Variants in DST observed in about 807,000 individuals in gnomAD.
The protein encoded by DST is bullous pemphigoid antigen.
In DST, 253 loss-of-function variants were observed where a neutral mutation model predicts 875.2. The ratio of observed to expected loss-of-function variants is 0.29; its 90% confidence interval spans 0.26 to 0.32. The LOEUF is 0.32. Among genes scored for constraint, DST ranks in the 10% least tolerant of loss-of-function variants. The pLI, the probability that DST is intolerant of heterozygous loss-of-function variation, is 1.00. For missense variants in DST, 8,287 were observed against 9,111.6 expected (o/e 0.91, Z 3.68); for synonymous variants, 3,124 against 3,197.1 (o/e 0.98, Z 0.77).
Position 56,604,461 on chromosome 6 carries a change from T to G in DST, c.10167A>C (p.Leu3389Phe). 6.2e-7 allele frequency: 1 copy of G among 1,610,384 alleles called. No individual in the cohort carries two copies. Among genetic ancestry groups the G allele is most frequent in the Non-Finnish European group, 8.5e-7 (1 of 1,177,846 alleles). The change falls in exon 40 of 104, where the codon TTA (leucine) becomes TTC (phenylalanine). Residue 3389 changes from leucine (L) to phenylalanine (F), a missense_variant. Physicochemically the swap from Leu to Phe is conservative, Grantham distance 22. Transcript: ENST00000680361. ...CADTKILIQNLIKRITTSQLV... is the reference protein window; with the variant it reads ...CADTKILIQNFIKRITTSQLV... Reference sequence around the variant, plus strand: ...ACTGTGATGTGGTAATCCTTTTAATTAAATTTTGAATTAAAATTTTAGTGT... The same window carrying G: ...ACTGTGATGTGGTAATCCTTTTAATGAAATTTTGAATTAAAATTTTAGTGT...
chr6:56,610,857 C>T (rs1183861723), intron 38 of DST, among the ~76,000 whole-genome samples: 2 of 152,124 alleles, frequency 1.3e-5, no homozygotes, highest in Non-Finnish European at 2.9e-5. Flanking sequence ...AGGGTAAGGT[C>T]TCATTGTTAA....
chr6:56,785,331 A>T (rs1216437463), intron 4 of DST, among the ~76,000 whole-genome samples: 2 of 152,222 alleles, frequency 1.3e-5, no homozygotes, highest in Non-Finnish European at 2.9e-5. Flanking sequence ...CTACAGAGGC[A>T]GGCAGGCCTC....
chr6:56,639,178 C>CA, intron 22 of DST, 81 bp downstream of exon 22: 1 of 1,241,072 alleles, frequency 8.1e-7, no homozygotes, highest in South Asian at 1.2e-5. Context: ...TTGTAATTTT[C>CA]AACTTCTCAG....
chr6:56,616,860 C>T lies in DST; in HGVS notation c.4930-2376G>A, dbSNP rs750599278. On this transcript the variant is annotated intron_variant, in intron 36 of 103. Coordinates refer to ENST00000680361, the MANE Select transcript of DST (RefSeq NM_001374736.1). Reference sequence around the variant, plus strand: ...GCCTCAAGAAGCCTAATTCTGAATTCGGGGTCAACAACTCCTTTAAGAACT... The same window carrying T: ...GCCTCAAGAAGCCTAATTCTGAATTTGGGGTCAACAACTCCTTTAAGAACT... 35 of 1,613,928 alleles carry T rather than the reference C, an allele frequency of 2.2e-5. No individual in the cohort carries two copies. Among genetic ancestry groups the T allele is most frequent in the Admixed American group, 1.0e-4 (6 of 59,986 alleles).
At position 56,542,428 on chromosome 6, in the gene DST, T is replaced by TAAAAAAAAAAA. The variant is rs60688419; in HGVS notation, c.16609-5499_16609-5489dup. 8.5e-4 allele frequency: 58 copies of TAAAAAAAAAAA among 68,086 alleles called. 6 individuals carry two copies. Among genetic ancestry groups the TAAAAAAAAAAA allele is most frequent in the African/African-American group, 3.7e-3 (57 of 15,330 alleles). 4.2% of individuals were successfully genotyped at this position (68,086 alleles called of 1,614,324 possible). A position where few individuals can be genotyped will look rare whatever the true frequency, so the allele number is the denominator to read the frequency against. On this transcript the variant is annotated intron_variant, in intron 61 of 103. Transcript: ENST00000680361. ...AGCATGGTGTACTACTAAGCTTCTT[T>TAAAAAAAAAAA]AAAAAAAAAAAAAAAAAAAAAAAAA...
chr6:56,640,118 T>C (rs1348898690), intron 18 of DST, 25 bp downstream of exon 18: 2 of 1,612,688 alleles, frequency 1.2e-6, no homozygotes, highest in Non-Finnish European at 1.7e-6. Context: ...ACTGAAACAC[T>C]CAGGTAAAGT....
intron 4 of DST, among the ~76,000 whole-genome samples, chr6:56,826,633 G>A (rs2099780803): frequency 6.6e-6 from 1 of 152,012 alleles, no homozygotes; most frequent in African/African-American, 2.4e-5. Flanking sequence ...AAACTACATG[G>A]CAGAGATATT....
intron 9 of DST, among the ~76,000 whole-genome samples, chr6:56,698,197 C>G (rs955496468): frequency 2.0e-5 from 3 of 152,122 alleles, no homozygotes; most frequent in Admixed American, 6.5e-5. Context: ...AGGTCCTAGA[C>G]CTACCTAGAC....
chr6:56,693,018 A>G (rs190173665), intron 9 of DST: 32 of 1,289,564 alleles, frequency 2.5e-5, no homozygotes, highest in Non-Finnish European at 3.0e-5. Flanking sequence ...TGTCACCTCC[A>G]GTTTTTTTGA....
chr6:56,515,549 T>C lies in DST; in HGVS notation c.18477A>G (p.Glu6159=). ...LVNQFWETYE[E]LWPWLTETQS... ...GTGTTTCTGTCAGCCATGGCCAAAG[T>C]TCTTCATATGTTTCCCAGAATTGGT... The change falls in exon 72 of 104, where the codon GAA becomes GAG. Residue 6159 remains glutamate, a synonymous_variant. Coordinates refer to ENST00000680361, the MANE Select transcript of DST (RefSeq NM_001374736.1). The C allele has an allele frequency of 1.2e-6, 2 of 1,613,924 alleles. No homozygotes were observed. The highest frequency in any genetic ancestry group is 1.7e-6 in the Non-Finnish European group (2 of 1,179,842).
At chr6:56,935,778 A>T (rs1051588596) in intron 2 of DST, among the ~76,000 whole-genome samples, 2 of 152,138 alleles carry the variant, frequency 1.3e-5, no homozygotes, top group Non-Finnish European at 2.9e-5. Context: ...TACAAAAATT[A>T]GCTGGGCATG....
At chr6:56,556,226 T>C (rs2097414946) in intron 59 of DST, among the ~76,000 whole-genome samples, 1 of 152,214 alleles carries the variant, frequency 6.6e-6, no homozygotes, top group Admixed American at 6.5e-5. Context: ...TAGAATTTTA[T>C]ATTAAAGAAA....
chr6:56,673,106 G>A (rs541282077), intron 9 of DST, among the ~76,000 whole-genome samples: 1 of 152,030 alleles, frequency 6.6e-6, no homozygotes, highest in Admixed American at 6.5e-5. Context: ...AAAAAAATTA[G>A]CCTGGCATAA....
intron 4 of DST, among the ~76,000 whole-genome samples, chr6:56,770,470 C>T (rs1011393012): frequency 6.6e-6 from 1 of 152,064 alleles, no homozygotes; most frequent in African/African-American, 2.4e-5. Flanking sequence ...AATTTCAAAC[C>T]CTGCTAATAC....
In DST at chr6:56,603,821, G is replaced by T. The variant is rs2098469231; in HGVS notation, c.10791+16C>A. Reference sequence around the variant, plus strand: ...TCATGCAGCTTTTTCTGTATAAAATGTATAGGTCAACTTACTTGTTCGGTT... The same window carrying T: ...TCATGCAGCTTTTTCTGTATAAAATTTATAGGTCAACTTACTTGTTCGGTT... On this transcript the variant is annotated intron_variant, in intron 40 of 103. Transcript: ENST00000680361. 6.2e-7 allele frequency: 1 copy of T among 1,601,180 alleles called. No individual in the cohort carries two copies. Among genetic ancestry groups the T allele is most frequent in the Non-Finnish European group, 8.5e-7 (1 of 1,174,072 alleles).
At chr6:56,507,649 C>T (rs2096363312) in intron 75 of DST, among the ~76,000 whole-genome samples, 2 of 152,174 alleles carry the variant, frequency 1.3e-5, no homozygotes, top group African/African-American at 2.4e-5. Flanking sequence ...AAGGCACTGA[C>T]GCTAGAAAGA....
intron 4 of DST, among the ~76,000 whole-genome samples, chr6:56,842,248 A>C (rs2099800987): frequency 6.6e-6 from 1 of 152,198 alleles, no homozygotes; most frequent in Admixed American, 6.5e-5. Flanking sequence ...TTCACTATAA[A>C]TACTTTAAAC....
At chr6:56,926,321 T>C (rs1352776774) in intron 2 of DST, among the ~76,000 whole-genome samples, 1 of 152,130 alleles carries the variant, frequency 6.6e-6, no homozygotes, top group African/African-American at 2.4e-5. Context: ...GAGCTAAGCA[T>C]TGGAAACAAA....
chr6:56,786,739 T>C (rs1465721597), intron 4 of DST, among the ~76,000 whole-genome samples: 1 of 152,050 alleles, frequency 6.6e-6, no homozygotes, highest in African/African-American at 2.4e-5. Context: ...CACATGTTGG[T>C]CTCGAACTCC....
Sources: gnomAD v4.1 joint callset for allele counts (sites outside exome capture counted in the v4.1 genomes callset) on GRCh38, gnomAD v4.1.1 for gene constraint, MANE v1.5 for transcripts, NCBI Gene and HGNC (gene_info 2026-07-23, HGNC 2026-07-21) for gene names.